ZNF782: variants seen among roughly 807,000 people sequenced by gnomAD.
ZNF782 encodes zinc finger protein 782.
In ZNF782, 12 loss-of-function variants were observed where a neutral mutation model predicts 13.0. That is an observed-to-expected ratio of 0.92 (90% CI 0.59 to 1.50). The LOEUF (loss-of-function observed/expected upper bound fraction) is 1.50. Among genes scored for constraint, ZNF782 ranks in the 40% most tolerant of loss-of-function variants. ZNF782 has a pLI of 0.00. For synonymous variants in ZNF782, 284 were observed against 283.0 expected (o/e 1.00, Z -0.04); for missense variants, 770 against 822.9 (o/e 0.94, Z 0.79).
the ZNF782 span, chr9:96,929,047 C>T: frequency 6.2e-7 from 1 of 1,610,724 alleles, no homozygotes; most frequent in Non-Finnish European, 8.5e-7. Context: ...GGAGGTGAGC[C>T]TGTAGGGATG....
Position 96,868,941 on chromosome 9 carries a change from A to G in ZNF782, c.-457+6527T>C, listed in dbSNP as rs115862258. Reference sequence around the variant, plus strand: ...CAGTTCTCCCACTTCATTAATAATGATGTCGATGTTCCTGGCAGTGTTTAT... The same window carrying G: ...CAGTTCTCCCACTTCATTAATAATGGTGTCGATGTTCCTGGCAGTGTTTAT... On this transcript the variant is annotated intron_variant, in intron 1 of 5. Coordinates refer to the ZNF782 transcript ENST00000498811. Among the ~76,000 whole-genome samples, 771 of 152,266 alleles carry G rather than the reference A, an allele frequency of 5.1e-3. 7 individuals are homozygous for G. Among genetic ancestry groups the G allele is most frequent in the African/African-American group, 0.018 (737 of 41,540 alleles).
chr9:96,819,891 C>T, intron 5 of ZNF782, 113 bp from the exon 6 acceptor site: 1 of 875,732 alleles, frequency 1.1e-6, no homozygotes, highest in Non-Finnish European at 1.6e-6. Flanking sequence ...GTTTCTGGCT[C>T]AGTTTCTCAA....
chr9:96,858,725 A>T (rs1851672411), upstream of ZNF782, among the ~76,000 whole-genome samples: 1 of 152,198 alleles, frequency 6.6e-6, no homozygotes, highest in Non-Finnish European at 1.5e-5. This position sits in a 1 kb window ranked among gnomAD's most constrained non-coding sequence, Gnocchi z 4.4. Context: ...TTTGTTTTAC[A>T]TTTGCCTGTA....
chr9:96,879,292 T>C (rs544747795), upstream of ZNF782, among the ~76,000 whole-genome samples: 12 of 152,190 alleles, frequency 7.9e-5, no homozygotes, highest in African/African-American at 2.6e-4. Context: ...ATCGAGACCA[T>C]CCTGGCTAAC....
At chr9:96,872,573 A>T (rs111492984) in intron 1 of ZNF782, among the ~76,000 whole-genome samples, 1 of 152,094 alleles carries the variant, frequency 6.6e-6, no homozygotes. Context: ...TAACTCTTCT[A>T]TTCACATAGT....
At chr9:96,838,397 C>G (rs945782338) in intron 4 of ZNF782, among the ~76,000 whole-genome samples, 1 of 152,188 alleles carries the variant, frequency 6.6e-6, no homozygotes, top group African/African-American at 2.4e-5. Context: ...CACTGCTGTT[C>G]AGGTCATTTA....
chr9:96,838,717 C>CTTTTTT (rs139436021), intron 4 of ZNF782, among the ~76,000 whole-genome samples: 1 of 136,192 alleles, frequency 7.3e-6, no homozygotes, highest in African/African-American at 2.7e-5. Flanking sequence ...TTTTTCTTTT[C>CTTTTTT]TTTTTTTTTT....
the ZNF782 span, among the ~76,000 whole-genome samples, chr9:96,924,834 T>A: frequency 1.3e-5 from 2 of 152,068 alleles, no homozygotes; most frequent in Admixed American, 6.6e-5. Flanking sequence ...TTGTTAAACC[T>A]CCCCCTTCAC....
At chr9:96,926,849 A>G in the ZNF782 span, among the ~76,000 whole-genome samples, 3 of 152,246 alleles carry the variant, frequency 2.0e-5, no homozygotes, top group African/African-American at 4.8e-5. Flanking sequence ...GGTGTGTTTC[A>G]GTGAATGTTC....
At chr9:96,882,882 T>A in the ZNF782 span, among the ~76,000 whole-genome samples, 1 of 152,178 alleles carries the variant, frequency 6.6e-6, no homozygotes, top group African/African-American at 2.4e-5. Context: ...GTAGGAGGGG[T>A]GGTTTAAATG....
intron 1 of ZNF782, among the ~76,000 whole-genome samples, chr9:96,864,171 T>G (rs1443845328): frequency 1.3e-5 from 2 of 150,108 alleles, no homozygotes; most frequent in Non-Finnish European, 3.0e-5. Flanking sequence ...GAGCAGCTCC[T>G]ATTCAGAAAA....
rs1458092566 is a variant in ZNF782, at chr9:96,818,862, A to G, written c.1161T>C (p.Ser387=). Residue 387 remains serine (S), a synonymous_variant, in exon 6 of 6, where the codon AGT becomes AGC. Coordinates refer to ENST00000481138, the MANE Select transcript of ZNF782 (RefSeq NM_001001662.3). ...MNSHLIWPQK[S]HTGEKPYECP... Reference sequence around the variant, plus strand: ...ATTCATAGGGTTTCTCCCCTGTGTGACTTTTCTGAGGCCAAATCAAGTGTG... The same window carrying G: ...ATTCATAGGGTTTCTCCCCTGTGTGGCTTTTCTGAGGCCAAATCAAGTGTG... 4.3e-6 allele frequency: 7 copies of G among 1,614,050 alleles called. No homozygotes were observed. In the African/African-American group the frequency reaches 9.3e-5, roughly 22 times the overall value.
chr9:96,882,812 A>C, the ZNF782 span, among the ~76,000 whole-genome samples: 1 of 152,234 alleles, frequency 6.6e-6, no homozygotes, highest in East Asian at 1.9e-4. Context: ...GTCCTTGGAC[A>C]CTGTGGCCTC....
At chr9:96,831,630 A>G (rs925069069) in intron 4 of ZNF782, among the ~76,000 whole-genome samples, 4 of 151,500 alleles carry the variant, frequency 2.6e-5, no homozygotes, top group Non-Finnish European at 2.9e-5. Flanking sequence ...GGAGAATGGC[A>G]TGAACCCAGG....
chr9:96,851,901 A>G, intron 3 of ZNF782, 46 bp downstream of exon 3: 7 of 1,591,290 alleles, frequency 4.4e-6, no homozygotes, highest in Non-Finnish European at 6.0e-6. Flanking sequence ...TCTAAACCTC[A>G]TAAAATCCAT....
rs762103417 is a variant in ZNF782, at chr9:96,819,462, G to A, written c.561C>T (p.Phe187=). The change falls in exon 6 of 6, where the codon TTC becomes TTT. Residue 187 remains phenylalanine (F), a synonymous_variant. Transcript: ENST00000481138. ...GGGTTTTCACAATTTTACTATAAGC[G>A]AAAGATTTCTCTTGAGTGTTAGTTC... ...DGRTNTQEKS[F]AYSKIVKTLH... The A allele has an allele frequency of 6.8e-6, 11 of 1,613,676 alleles. No homozygotes were observed. The highest frequency in any genetic ancestry group is 4.4e-5 in the South Asian group (4 of 91,004).
upstream of ZNF782, among the ~76,000 whole-genome samples, chr9:96,859,251 G>A (rs887363508): frequency 2.8e-4 from 43 of 152,168 alleles, no homozygotes; most frequent in Admixed American, 1.3e-4. Flanking sequence ...GCCGCGCTTG[G>A]AGCCAGTGTA....
chr9:96,890,115 A>T, the ZNF782 span: 2 of 152,280 alleles, frequency 1.3e-5, no homozygotes. Flanking sequence ...AGGCAGGGCC[A>T]AGTAGCACCA....
At chr9:96,857,596 T>C (rs1851659419), upstream of ZNF782, among the ~76,000 whole-genome samples, 1 of 152,230 alleles carries the variant, frequency 6.6e-6, no homozygotes, top group African/African-American at 2.4e-5. Context: ...TAGAAGAGGA[T>C]TGTCTTGTCA....
Sources: gnomAD v4.1 joint callset for allele counts (sites outside exome capture counted in the v4.1 genomes callset) on GRCh38, gnomAD v4.1.1 for gene constraint, Gnocchi (gnomAD v3.1) non-coding constraint, MANE v1.5 for transcripts, NCBI Gene and HGNC (gene_info 2026-07-23, HGNC 2026-07-21) for gene names.